PKHD1L1: variants seen among roughly 807,000 people sequenced by gnomAD.
The protein encoded by PKHD1L1 is PKHD1 like 1.
Under a neutral mutation model 462.9 loss-of-function variants are expected in PKHD1L1, and 434 were observed. That is an observed-to-expected ratio of 0.94 (90% CI 0.87 to 1.02). The LOEUF is 1.02. PKHD1L1 is among the 50% of genes least tolerant of loss of function. The probability of loss-of-function intolerance (pLI) is 0.00; values close to 1 mark genes in which losing one functional copy is unlikely to be tolerated. For synonymous variants in PKHD1L1, 1,781 were observed against 1,750.0 expected (o/e 1.02, Z -0.44); for missense variants, 5,202 against 5,096.1 (o/e 1.02, Z -0.63).
At chr8:109,516,165 G>A (rs1350989018) in intron 72 of PKHD1L1, among the ~76,000 whole-genome samples, 1 of 152,240 alleles carries the variant, frequency 6.6e-6, no homozygotes, top group South Asian at 2.1e-4. Flanking sequence ...ACTCTATGAG[G>A]TAGGCACAGA....
At chr8:109,495,319 AT>A (rs1819031742) in intron 63 of PKHD1L1, among the ~76,000 whole-genome samples, 1 of 152,096 alleles carries the variant, frequency 6.6e-6, no homozygotes, top group African/African-American at 2.4e-5. Context: ...ATCCTTATGG[AT>A]TTTTCAACAT....
intron 48 of PKHD1L1, among the ~76,000 whole-genome samples, chr8:109,462,632 C>A (rs952029970): frequency 6.6e-6 from 1 of 152,154 alleles, no homozygotes; most frequent in Non-Finnish European, 1.5e-5. Context: ...ACTTCCACCT[C>A]CAGGGTTCAA....
Position 109,435,191 on chromosome 8 carries a change from A to T in PKHD1L1, c.3342A>T (p.Glu1114Asp). The change falls in exon 29 of 78, where the codon GAA becomes GAT. Residue 1114 changes from glutamate (E) to aspartate (D), a missense_variant and splice_region_variant. This residue lies in a region of PKHD1L1 where 4,497 missense variants were observed against 4,336.8 expected (regional missense o/e 1.04). Transcript: ENST00000378402. ...TCATCTTTTTCTTTTTTTCACAAGA[A>T]AAAGAGCTCAAGTGCCAGATTCTGA... The part of the protein sequence containing the change: ...PVGCSLLSVD[E>D]KELKCQILNG... The T allele has an allele frequency of 1.9e-6, 3 of 1,612,102 alleles. No individual in the cohort carries two copies. Among genetic ancestry groups the T allele is most frequent in the Non-Finnish European group, 2.5e-6 (3 of 1,179,286 alleles).
Position 109,536,343 on chromosome 8 carries a change from C to T in PKHD1L1, c.*6253C>T, listed in dbSNP as rs953393936. Among the ~76,000 whole-genome samples the T allele has an allele frequency of 9.2e-5, 14 of 152,210 alleles. No homozygotes were observed. Among genetic ancestry groups the T allele is most frequent in the Non-Finnish European group, 1.6e-4 (11 of 68,038 alleles). ...GCTTAAAGTTGTTCAAGGTCAAAGTCACGATGTCCATCATGCTGTAGCTCA... is the reference window on the plus strand; with the variant it reads ...GCTTAAAGTTGTTCAAGGTCAAAGTTACGATGTCCATCATGCTGTAGCTCA... On this transcript the variant is annotated 3_prime_UTR_variant, in exon 78 of 78. Transcript: ENST00000378402.
At chr8:109,397,281 G>A (rs1813026763) in intron 11 of PKHD1L1, among the ~76,000 whole-genome samples, 1 of 152,120 alleles carries the variant, frequency 6.6e-6, no homozygotes, top group African/African-American at 2.4e-5. Flanking sequence ...TGATGTTTAT[G>A]TGTCTTTCCT....
intron 2 of PKHD1L1, among the ~76,000 whole-genome samples, chr8:109,369,005 G>A (rs1352292538): frequency 6.6e-6 from 1 of 150,806 alleles, no homozygotes; most frequent in Non-Finnish European, 1.5e-5. Flanking sequence ...TTGAGATGGA[G>A]TTTCACTCTT....
rs1815591835 is a variant in PKHD1L1 at position 109,438,759 on chromosome 8, TC to T, written c.3761-136del. On this transcript the variant is annotated intron_variant, in intron 31 of 77. Coordinates refer to ENST00000378402, the MANE Select transcript of PKHD1L1 (RefSeq NM_177531.6). ...CTGTTACCAACTCTTTCATTGTTTT[TC>T]CTTTTGCCTCTCAAAGTGTTAGGAT... 4.1e-6 allele frequency: 3 copies of T among 733,156 alleles called. No homozygotes were observed. In the South Asian group the frequency reaches 6.8e-5, roughly 17 times the overall value. The allele number at this position is 733,156 out of a possible 1,614,324, so 45.4% of individuals were successfully genotyped here. A position where few individuals can be genotyped will look rare whatever the true frequency, so the allele number is the denominator to read the frequency against.
rs1390027695 is a variant in PKHD1L1 at position 109,408,218 on chromosome 8, G to T, written c.1971+12G>T. The stretch of plus-strand genomic sequence containing the variant: ...CATCAGAAGCTGAAGTACGGTGTAG[G>T]AATGTTTCTACCACGCATTTTCCCT... On this transcript the variant is annotated intron_variant, in intron 18 of 77. Coordinates refer to ENST00000378402, the MANE Select transcript of PKHD1L1 (RefSeq NM_177531.6). 4.4e-6 allele frequency: 7 copies of T among 1,605,584 alleles called. No individual in the cohort carries two copies. The highest frequency in any genetic ancestry group is 1.7e-4 in the Middle Eastern group (1 of 6,044).
intron 2 of PKHD1L1, among the ~76,000 whole-genome samples, chr8:109,375,953 C>G (rs1811798673): frequency 6.6e-6 from 1 of 152,192 alleles, no homozygotes; most frequent in East Asian, 1.9e-4. Flanking sequence ...GGGTCATGGA[C>G]CCACTTGAGG....
In PKHD1L1 at chr8:109,536,197, G is replaced by T. The variant is rs1045236016; in HGVS notation, c.*6107G>T. ...GATAACAAATCTGCCTGCTTCAAAGGTTTCACCGATTTTATTGCTGTGTTT... is the reference window on the plus strand; with the variant it reads ...GATAACAAATCTGCCTGCTTCAAAGTTTTCACCGATTTTATTGCTGTGTTT... On this transcript the variant is annotated 3_prime_UTR_variant, in exon 78 of 78. Coordinates refer to ENST00000378402, the MANE Select transcript of PKHD1L1 (RefSeq NM_177531.6). Among the ~76,000 whole-genome samples, 14 of 152,112 alleles carry T rather than the reference G, an allele frequency of 9.2e-5. No individual in the cohort carries two copies. The highest frequency in any genetic ancestry group is 2.1e-4 in the South Asian group (1 of 4,822).
In PKHD1L1 at chr8:109,533,146, G is replaced by A. The variant is rs935726043; in HGVS notation, c.*3056G>A. On this transcript the variant is annotated 3_prime_UTR_variant, in exon 78 of 78. Transcript: ENST00000378402. ...CACTTTTCCTCAAGCATGGGCAAGT[G>A]CTTCATTGGGAAGAGTTTTTAATCC... is the stretch of plus-strand genomic sequence containing the variant. 6.6e-6 allele frequency among the ~76,000 whole-genome samples: 1 copy of A among 152,226 alleles called. No homozygotes were observed. The highest frequency in any genetic ancestry group is 2.4e-5 in the African/African-American group (1 of 41,454).
Position 109,362,627 on chromosome 8 carries a change from T to A in PKHD1L1, c.47T>A (p.Leu16His), listed in dbSNP as rs1286219077. The change falls in exon 1 of 78, where the codon CTC becomes CAC. Residue 16 changes from leucine (L) to histidine (H), a missense_variant. By Grantham distance (99) the Leu-to-His change is moderately conservative. Coordinates refer to ENST00000378402, the MANE Select transcript of PKHD1L1 (RefSeq NM_177531.6). The stretch of plus-strand genomic sequence containing the variant: ...GGTATTTGGGGCCTCTGTGGGCTGC[T>A]CCTGTGTGCCGCGGATCCCAGCACA... ...LLGIWGLCGL[L>H]LCAADPSTDG... 3 of 1,608,280 alleles carry A rather than the reference T, an allele frequency of 1.9e-6. No homozygotes were observed. The South Asian group carries it at 3.4e-5, about 18-fold the overall frequency.
At position 109,454,857 on chromosome 8, in the gene PKHD1L1, T is replaced by G. The variant is rs1270949030; in HGVS notation, c.6874+5T>G. On this transcript the variant is annotated splice_donor_5th_base_variant and intron_variant, in intron 45 of 77. Transcript: ENST00000378402. ...AGGGAATCCTGGATCTGCACGGTAC[T>G]GTGGCCAAGTGGCTAAGGGAGTTGG... 6.2e-7 allele frequency: 1 copy of G among 1,610,418 alleles called. No individual in the cohort carries two copies. Among genetic ancestry groups the G allele is most frequent in the South Asian group, 1.1e-5 (1 of 90,604 alleles).
intron 63 of PKHD1L1, among the ~76,000 whole-genome samples, chr8:109,494,590 A>C (rs1359008737): frequency 6.6e-6 from 1 of 151,992 alleles, no homozygotes; most frequent in Non-Finnish European, 1.5e-5. Flanking sequence ...ATATGAAGAA[A>C]TCTCTAGAAT....
At chr8:109,436,259 C>A in intron 29 of PKHD1L1, 79 bp from the exon 30 acceptor site, 1 of 1,440,630 alleles carries the variant, frequency 6.9e-7, no homozygotes. Context: ...AAAGACAATT[C>A]TCAAAAAATG....
rs575549418 is a variant in PKHD1L1 at position 109,471,265 on chromosome 8, T to C, written c.8606-3853T>C. On this transcript the variant is annotated intron_variant, in intron 50 of 77. Coordinates refer to ENST00000378402, the MANE Select transcript of PKHD1L1 (RefSeq NM_177531.6). Reference sequence around the variant, plus strand: ...TTCTTCTTTTTTAAAATCCAGACTTTCTTTTTCTACATGTGAGATCGTTTT... The same window carrying C: ...TTCTTCTTTTTTAAAATCCAGACTTCCTTTTTCTACATGTGAGATCGTTTT... 5 of 490,766 alleles carry C rather than the reference T, an allele frequency of 1.0e-5. No individual in the cohort carries two copies. The South Asian group carries it at 3.1e-4, about 30-fold the overall frequency. The allele number at this position is 490,766 out of a possible 1,614,324, so 30.4% of individuals were successfully genotyped here.
chr8:109,471,051 C>T lies in PKHD1L1; in HGVS notation c.8606-4067C>T. 4 of 1,591,966 alleles carry T rather than the reference C, an allele frequency of 2.5e-6. No individual in the cohort carries two copies. The South Asian group carries it at 4.4e-5, about 18-fold the overall frequency. On this transcript the variant is annotated intron_variant, in intron 50 of 77. Coordinates refer to ENST00000378402, the MANE Select transcript of PKHD1L1 (RefSeq NM_177531.6). ...TCAATACAGGCCACATTAACACCTT[C>T]TGCGATGAAATCTTCTCCTCAAATT...
intron 36 of PKHD1L1, 63 bp from the exon 37 acceptor site, chr8:109,443,613 T>C (rs1815938136): frequency 7.8e-7 from 1 of 1,282,102 alleles, no homozygotes; most frequent in East Asian, 2.5e-5. Context: ...GTAACGCAGT[T>C]TGAAAACAGT....
At chr8:109,362,709 C>T in intron 1 of PKHD1L1, 56 bp downstream of exon 1, 1 of 1,533,616 alleles carries the variant, frequency 6.5e-7, no homozygotes, top group East Asian at 2.4e-5. Flanking sequence ...TAGACACTAC[C>T]CCTGCTCCCG....
Sources: gnomAD v4.1 joint callset for allele counts (sites outside exome capture counted in the v4.1 genomes callset) on GRCh38, gnomAD v4.1.1 for gene constraint, gnomAD v4.1.1 regional missense constraint, MANE v1.5 for transcripts, NCBI Gene and HGNC (gene_info 2026-07-23, HGNC 2026-07-21) for gene names.